Variants in OPCML observed in about 807,000 individuals in gnomAD.
The protein encoded by OPCML is opioid-binding protein/cell adhesion molecule.
OPCML carries 13 observed loss-of-function variants against 37.8 expected under a neutral mutation model. The observed-to-expected ratio is 0.34, with a 90% CI of 0.22 to 0.55. OPCML has a LOEUF of 0.55. Ranked by LOEUF, OPCML falls within the 20% of genes least tolerant of loss-of-function variation. The pLI is 0.91. For synonymous variants in OPCML, 176 were observed against 168.8 expected, an observed-to-expected ratio of 1.04 and a Z score of -0.33; for missense variants, 341 against 435.6, an observed-to-expected ratio of 0.78 and a Z score of 1.93.
chr11:133,165,757 T>C (rs1592065083), intron 1 of OPCML, among the ~76,000 whole-genome samples: 1 of 152,134 alleles, frequency 6.6e-6, no homozygotes, highest in Non-Finnish European at 1.5e-5. Flanking sequence ...CTCCCCAGGC[T>C]CTTGATTACT....
chr11:133,101,181 C>T (rs150677543), intron 1 of OPCML, among the ~76,000 whole-genome samples: 249 of 152,266 alleles, frequency 1.6e-3, no homozygotes, highest in African/African-American at 5.8e-3. Flanking sequence ...CTTCAGCCTC[C>T]CAAAGTGCTA....
At chr11:132,645,716 A>G (rs990307277) in intron 3 of OPCML, among the ~76,000 whole-genome samples, 1 of 152,242 alleles carries the variant, frequency 6.6e-6, no homozygotes, top group African/African-American at 2.4e-5. Flanking sequence ...AAATTGTGCA[A>G]TATGATAGCT....
chr11:132,428,333 C>A (rs1391991506), intron 7 of OPCML, among the ~76,000 whole-genome samples: 1 of 152,172 alleles, frequency 6.6e-6, no homozygotes, highest in Non-Finnish European at 1.5e-5. Context: ...ATAACTGATG[C>A]CCTCATTGGC....
Position 132,709,359 on chromosome 11 carries a change from T to C in OPCML, c.147-52040A>G, listed in dbSNP as rs904073284. Among the ~76,000 whole-genome samples the C allele has an allele frequency of 3.9e-5, 6 of 152,220 alleles. No homozygotes were observed. The South Asian group carries it at 1.2e-3, about 32-fold the overall frequency. ...CTGGATAGCTTTCACTTAACATCTT[T>C]AAAAACCATGGTACAATAATCAAAA... On this transcript the variant is annotated intron_variant, in intron 2 of 7. Transcript: ENST00000524381.
chr11:132,790,674 C>A (rs551080890), intron 2 of OPCML, among the ~76,000 whole-genome samples: 3 of 152,260 alleles, frequency 2.0e-5, no homozygotes, highest in African/African-American at 7.2e-5. Flanking sequence ...TTGCAGGAAC[C>A]CCGGAGGAAA....
At chr11:132,577,348 T>A (rs980095109) in intron 3 of OPCML, among the ~76,000 whole-genome samples, 8 of 152,144 alleles carry the variant, frequency 5.3e-5, no homozygotes, top group African/African-American at 1.9e-4. Context: ...AAGGATTTTT[T>A]AAAATATTAT....
At chr11:133,411,204 T>G (rs1163018645) in intron 1 of OPCML, among the ~76,000 whole-genome samples, 3 of 152,116 alleles carry the variant, frequency 2.0e-5, no homozygotes, top group Non-Finnish European at 4.4e-5. Flanking sequence ...GCATGAATAA[T>G]GGGTGCCTCG....
In OPCML at chr11:132,508,310, T is replaced by C. The variant is rs200446779; in HGVS notation, c.505+20751A>G. Among the ~76,000 whole-genome samples the C allele has an allele frequency of 6.6e-5, 10 of 152,218 alleles. No individual in the cohort carries two copies. In the South Asian group the frequency reaches 8.3e-4, roughly 13 times the overall value. ...ATGAACAAAACAGATGGAAAATCAG[T>C]AACAAAATATTGACAAAGTTAATCA... On this transcript the variant is annotated intron_variant, in intron 4 of 7. Transcript: ENST00000524381.
intron 1 of OPCML, among the ~76,000 whole-genome samples, chr11:133,168,332 G>GT (rs1162390559): frequency 6.6e-6 from 1 of 151,058 alleles, no homozygotes; most frequent in Admixed American, 6.7e-5. Flanking sequence ...ACTGGGGCTT[G>GT]GGGGGAAGAG....
At chr11:133,433,511 G>T (rs1048167665) in intron 1 of OPCML, among the ~76,000 whole-genome samples, 9 of 152,034 alleles carry the variant, frequency 5.9e-5, no homozygotes, top group African/African-American at 1.9e-4. Flanking sequence ...AAATGTTAGC[G>T]GTGCCTGCGA....
At chr11:133,040,163 G>A (rs1244411974) in intron 1 of OPCML, among the ~76,000 whole-genome samples, 1 of 152,076 alleles carries the variant, frequency 6.6e-6, no homozygotes, top group African/African-American at 2.4e-5. Context: ...TGGATAAAAG[G>A]TGTTGAATTT....
chr11:133,194,505 C>A (rs576261441), intron 1 of OPCML, among the ~76,000 whole-genome samples: 1 of 152,064 alleles, frequency 6.6e-6, no homozygotes, highest in African/African-American at 2.4e-5. Flanking sequence ...CCACTGCGCC[C>A]GGCTGCTTCA....
rs531819673 is a variant in OPCML, at chr11:132,991,519, A to G, written c.62-48509T>C. ...AAATTTGAAATATTAACGAGCATCA[A>G]TGAGCCCAAAGTGACAGCACAGTAA... On this transcript the variant is annotated intron_variant, in intron 1 of 7. Transcript: ENST00000524381. Among the ~76,000 whole-genome samples the G allele has an allele frequency of 3.1e-3, 474 of 152,348 alleles. 1 individual carries two copies. The highest frequency in any genetic ancestry group is 5.1e-3 in the Non-Finnish European group (347 of 68,028).
intron 2 of OPCML, among the ~76,000 whole-genome samples, chr11:132,773,769 T>C (rs1242143748): frequency 6.6e-6 from 1 of 152,196 alleles, no homozygotes; most frequent in Admixed American, 6.5e-5. Flanking sequence ...CTGGATATTA[T>C]CAGCCTCCTC....
chr11:133,103,091 T>C (rs750507950), intron 1 of OPCML, among the ~76,000 whole-genome samples: 4 of 152,214 alleles, frequency 2.6e-5, no homozygotes, highest in Non-Finnish European at 5.9e-5. Context: ...CATCAAAAAT[T>C]AATACCAAAA....
At chr11:132,838,062 T>G (rs1941118820) in intron 2 of OPCML, among the ~76,000 whole-genome samples, 1 of 152,230 alleles carries the variant, frequency 6.6e-6, no homozygotes, top group Non-Finnish European at 1.5e-5. Flanking sequence ...GCCCTACTAA[T>G]TTGTATACAT....
intron 4 of OPCML, among the ~76,000 whole-genome samples, chr11:132,469,237 A>T (rs2096128170): frequency 6.6e-6 from 1 of 152,230 alleles, no homozygotes; most frequent in Admixed American, 6.5e-5. Flanking sequence ...AAGATAGGAA[A>T]ATAAAAACAA....
chr11:132,644,293 G>T (rs1479539802), intron 3 of OPCML, among the ~76,000 whole-genome samples: 2 of 152,050 alleles, frequency 1.3e-5, no homozygotes, highest in Non-Finnish European at 2.9e-5. Flanking sequence ...TATTTCTACA[G>T]CTCTGTTAAT....
intron 4 of OPCML, among the ~76,000 whole-genome samples, chr11:132,464,545 A>C (rs1217201357): frequency 6.6e-6 from 1 of 152,212 alleles, no homozygotes; most frequent in Non-Finnish European, 1.5e-5. Flanking sequence ...TAAGTAAAAG[A>C]ATGAATAAAT....
Sources: gnomAD v4.1 joint callset for allele counts (sites outside exome capture counted in the v4.1 genomes callset) on GRCh38, gnomAD v4.1.1 for gene constraint, MANE v1.5 for transcripts, NCBI Gene and HGNC (gene_info 2026-07-23, HGNC 2026-07-21) for gene names.